The following ERCC8 variants were observed in gnomAD, a reference collection of about 807,000 sequenced individuals.
ERCC8 encodes DNA excision repair protein ERCC-8.
Under a neutral mutation model 54.9 loss-of-function variants are expected in ERCC8, and 52 were observed. The ratio of observed to expected loss-of-function variants is 0.95; its 90% CI spans 0.76 to 1.19. The LOEUF is 1.19. Ranked by LOEUF, ERCC8 falls within the 50% of genes most tolerant of loss-of-function variation. ERCC8 has a pLI of 0.00. For missense variants in ERCC8, 514 were observed against 466.1 expected, an observed-to-expected ratio of 1.10 and a Z score of -0.95; for synonymous variants, 146 against 157.2, an observed-to-expected ratio of 0.93 and a Z score of 0.53.
chr5:60,914,083 G>C (rs1749354325), intron 4 of ERCC8, among the ~76,000 whole-genome samples: 1 of 152,138 alleles, frequency 6.6e-6, no homozygotes, highest in South Asian at 2.1e-4. Flanking sequence ...TTGGGGTGGA[G>C]AGTTCTGTAG....
At chr5:60,878,654 T>C (rs1748097266) in intron 11 of ERCC8, among the ~76,000 whole-genome samples, 1 of 152,216 alleles carries the variant, frequency 6.6e-6, no homozygotes, top group South Asian at 2.1e-4. Context: ...CTAGTTTATT[T>C]GCATAGAGGT....
chr5:60,913,946 T>C (rs745683753), intron 4 of ERCC8, among the ~76,000 whole-genome samples: 4 of 152,180 alleles, frequency 2.6e-5, no homozygotes, highest in Non-Finnish European at 5.9e-5. Flanking sequence ...GATTTCACTG[T>C]GGTCTGAGAG....
At chr5:60,883,718 T>G (rs1261694753) in intron 11 of ERCC8, among the ~76,000 whole-genome samples, 1 of 152,160 alleles carries the variant, frequency 6.6e-6, no homozygotes, top group Non-Finnish European at 1.5e-5. Context: ...CAAAGTAAGA[T>G]TCTTAGTGAG....
intron 1 of ERCC8, among the ~76,000 whole-genome samples, chr5:60,935,904 G>C (rs908059647): frequency 6.6e-6 from 1 of 152,128 alleles, no homozygotes; most frequent in Non-Finnish European, 1.5e-5. Context: ...GATCATGGTG[G>C]ATTATATTTT....
At chr5:60,938,508 C>T (rs993464164) in intron 1 of ERCC8, among the ~76,000 whole-genome samples, 1 of 151,742 alleles carries the variant, frequency 6.6e-6, no homozygotes, top group Admixed American at 6.6e-5. Flanking sequence ...CGTGTGCCAC[C>T]ACACCCGGCT....
chr5:60,944,991 G>T lies in ERCC8; in HGVS notation c.18C>A (p.Ser6=), dbSNP rs1750394813. The T allele has an allele frequency of 1.2e-6, 2 of 1,614,012 alleles. No individual in the cohort carries two copies. Among genetic ancestry groups the T allele is most frequent in the Admixed American group, 3.3e-5 (2 of 60,016 alleles). Reference sequence around the variant, plus strand: ...GGTCCTCCAAACCCGTTTGGCGTGCGGACAAAAACCCCAGCATATCGTGTC... The same window carrying T: ...GGTCCTCCAAACCCGTTTGGCGTGCTGACAAAAACCCCAGCATATCGTGTC... MLGFL[S]ARQTGLEDPL... The change falls in exon 1 of 12, where the codon TCC becomes TCA. Residue 6 remains serine (S), a synonymous_variant. Transcript: ENST00000676185.
intron 9 of ERCC8, chr5:60,891,931 T>C: frequency 5.9e-6 from 3 of 512,580 alleles, no homozygotes; most frequent in Non-Finnish European, 7.9e-6. Flanking sequence ...ATCAGTCAAT[T>C]AGTTACCAAC....
chr5:60,920,699 T>C (rs1229035239), intron 3 of ERCC8, among the ~76,000 whole-genome samples: 2 of 151,930 alleles, frequency 1.3e-5, no homozygotes, highest in African/African-American at 2.4e-5. Flanking sequence ...AGTCACACTT[T>C]TAAATATAGA....
At chr5:60,875,633 G>A (rs1379743863) in intron 11 of ERCC8, among the ~76,000 whole-genome samples, 2 of 152,134 alleles carry the variant, frequency 1.3e-5, no homozygotes, top group African/African-American at 4.8e-5. Flanking sequence ...CAATTCCAAT[G>A]CTGTATTAGC....
chr5:60,888,325 A>T (rs181974408), intron 10 of ERCC8, among the ~76,000 whole-genome samples: 1 of 152,358 alleles, frequency 6.6e-6, no homozygotes, highest in East Asian at 1.9e-4. Context: ...AAATTTCCTA[A>T]ATAAAACAAA....
rs1273568131 is a variant in ERCC8 at position 60,871,372 on chromosome 5, C to A, written c.*3243G>T. Among the ~76,000 whole-genome samples the A allele has an allele frequency of 6.6e-6, 1 of 152,088 alleles. No homozygotes were observed. The highest frequency in any genetic ancestry group is 1.5e-5 in the Non-Finnish European group (1 of 68,014). On this transcript the variant is annotated 3_prime_UTR_variant, in exon 12 of 12. Coordinates refer to ENST00000676185, the MANE Select transcript of ERCC8 (RefSeq NM_000082.4). ...TATAATTTAAAAACTTTGTATATCC[C>A]AGTTCTGCAAAATAAAAATACATCC...
rs142397458 is a variant in ERCC8, at chr5:60,941,609, T to A, written c.77+3323A>T. On this transcript the variant is annotated intron_variant, in intron 1 of 11. Transcript: ENST00000676185. ...CCTAACTAGGATAAATCCAAAGAGATCTGCAACCAGACACATCATAATTAA... is the reference window on the plus strand; with the variant it reads ...CCTAACTAGGATAAATCCAAAGAGAACTGCAACCAGACACATCATAATTAA... Among the ~76,000 whole-genome samples the A allele has an allele frequency of 3.6e-3, 547 of 152,170 alleles. 5 individuals carry two copies. Among genetic ancestry groups the A allele is most frequent in the East Asian group, 0.031 (162 of 5,172 alleles).
chr5:60,867,270 T>C lies in ERCC8; in HGVS notation c.*7345A>G, dbSNP rs1747773351. ...TGTTATTTCTTTTTCTTTTCATTTTTTTGAGACAGAGTCTTGCTCTGTCAC... is the reference window on the plus strand; with the variant it reads ...TGTTATTTCTTTTTCTTTTCATTTTCTTGAGACAGAGTCTTGCTCTGTCAC... On this transcript the variant is annotated 3_prime_UTR_variant, in exon 12 of 12. Coordinates refer to ENST00000676185, the MANE Select transcript of ERCC8 (RefSeq NM_000082.4). Among the ~76,000 whole-genome samples the C allele has an allele frequency of 6.6e-6, 1 of 152,138 alleles. No individual in the cohort carries two copies. The highest frequency in any genetic ancestry group is 1.5e-5 in the Non-Finnish European group (1 of 68,030).
At chr5:60,894,147 G>T (rs1427125175) in intron 9 of ERCC8, among the ~76,000 whole-genome samples, 1 of 151,954 alleles carries the variant, frequency 6.6e-6, no homozygotes, top group African/African-American at 2.4e-5. Context: ...ACCACGCCCG[G>T]CTAATTTTTT....
In ERCC8 at chr5:60,867,681, T is replaced by C. The variant is rs997953316; in HGVS notation, c.*6934A>G. Among the ~76,000 whole-genome samples the C allele has an allele frequency of 6.6e-6, 1 of 152,228 alleles. No homozygotes were observed. Among genetic ancestry groups the C allele is most frequent in the Non-Finnish European group, 1.5e-5 (1 of 68,036 alleles). On this transcript the variant is annotated 3_prime_UTR_variant, in exon 12 of 12. Transcript: ENST00000676185. ...TACAGATTTACACAATAGTGGATGATACCATCATGCAGGGTGTAGAGAAGC... is the reference window on the plus strand; with the variant it reads ...TACAGATTTACACAATAGTGGATGACACCATCATGCAGGGTGTAGAGAAGC...
At position 60,871,254 on chromosome 5, in the gene ERCC8, A is replaced by G. The variant is rs1747857967; in HGVS notation, c.*3361T>C. The stretch of plus-strand genomic sequence containing the variant: ...GACCAGCTGAAAACAACTGGGGGAC[A>G]TTCACAAAATGCAGTATGATGCAGT... On this transcript the variant is annotated 3_prime_UTR_variant, in exon 12 of 12. Transcript: ENST00000676185. Among the ~76,000 whole-genome samples the G allele has an allele frequency of 6.6e-6, 1 of 152,238 alleles. No homozygotes were observed. The highest frequency in any genetic ancestry group is 2.4e-5 in the African/African-American group (1 of 41,476).
intron 1 of ERCC8, among the ~76,000 whole-genome samples, chr5:60,940,374 T>C (rs1750221914): frequency 6.6e-6 from 1 of 152,160 alleles, no homozygotes; most frequent in South Asian, 2.1e-4. Flanking sequence ...CCCAAGAGGG[T>C]AGGGACAATC....
intron 7 of ERCC8, among the ~76,000 whole-genome samples, chr5:60,902,077 A>G (rs2112490823): frequency 6.6e-6 from 1 of 152,226 alleles, no homozygotes; most frequent in Middle Eastern, 3.4e-3. Flanking sequence ...TAAATATTAG[A>G]AAATTGAATC....
At chr5:60,908,381 C>A (rs1030507888) in intron 4 of ERCC8, among the ~76,000 whole-genome samples, 8 of 151,646 alleles carry the variant, frequency 5.3e-5, no homozygotes, top group African/African-American at 1.7e-4. Flanking sequence ...CTCCTGAATT[C>A]TGGGTATGTA....
Sources: gnomAD v4.1 joint callset for allele counts (sites outside exome capture counted in the v4.1 genomes callset) on GRCh38, gnomAD v4.1.1 for gene constraint, MANE v1.5 for transcripts, NCBI Gene and HGNC (gene_info 2026-07-23, HGNC 2026-07-21) for gene names.